ARHGAP22: variants seen among roughly 807,000 people sequenced by gnomAD.
ARHGAP22 encodes rho GTPase-activating protein 22.
Under a neutral mutation model 59.1 loss-of-function variants are expected in ARHGAP22, and 48 were observed. The ratio of observed to expected loss-of-function variants is 0.81; its 90% CI spans 0.64 to 1.03. ARHGAP22 has a LOEUF of 1.03. Ranked by LOEUF, ARHGAP22 falls within the 50% of genes least tolerant of loss-of-function variation. The pLI, the probability that ARHGAP22 is intolerant of heterozygous loss-of-function variation, is 0.00. For synonymous variants in ARHGAP22, 445 were observed against 416.4 expected (o/e 1.07, Z -0.84); for missense variants, 1,015 against 958.7 (o/e 1.06, Z -0.78).
intron 3 of ARHGAP22, among the ~76,000 whole-genome samples, chr10:48,489,914 T>C (rs1303945453): frequency 1.3e-5 from 2 of 152,206 alleles, no homozygotes; most frequent in African/African-American, 4.8e-5. Flanking sequence ...TTTGTATTTT[T>C]AGTAGAGATG....
At chr10:48,523,312 G>T (rs1470572573) in intron 3 of ARHGAP22, among the ~76,000 whole-genome samples, 1 of 152,210 alleles carries the variant, frequency 6.6e-6, no homozygotes. Flanking sequence ...GAGTGTTAGG[G>T]TCAGGTGAGT....
At position 48,577,432 on chromosome 10, in the gene ARHGAP22, C is replaced by T. The variant is rs75610537; in HGVS notation, c.234+5521G>A. ...GTTCTCTATGGAGCTGACTGGGTGG[C>T]GTCGGAGGATGGGGAGGGCATACAC... is the stretch of plus-strand genomic sequence containing the variant. On this transcript the variant is annotated intron_variant, in intron 2 of 9. Transcript: ENST00000249601. Among the ~76,000 whole-genome samples, 1,388 of 152,228 alleles carry T rather than the reference C, an allele frequency of 9.1e-3. 24 individuals carry two copies. Among genetic ancestry groups the T allele is most frequent in the African/African-American group, 0.032 (1,328 of 41,516 alleles).
Position 48,459,796 on chromosome 10 carries a change from T to C in ARHGAP22, c.547A>G (p.Ile183Val). The C allele has an allele frequency of 2.5e-6, 4 of 1,613,868 alleles. No individual in the cohort carries two copies. Among genetic ancestry groups the C allele is most frequent in the East Asian group, 2.2e-5 (1 of 44,882 alleles). ...TCCTCAGTGAGCCCGCGCTCCCGGA[T>C]GAAGTCCACACACTGCTCCACCAGC... The part of the protein sequence containing the change: ...PLLVEQCVDF[I>V]RERGLTEEGL... Residue 183 changes from isoleucine (I) to valine (V), a missense_variant, in exon 5 of 10, where the codon ATC becomes GTC. Coordinates refer to ENST00000249601, the MANE Select transcript of ARHGAP22 (RefSeq NM_021226.4).
At chr10:48,495,324 C>T (rs2050804655) in intron 3 of ARHGAP22, among the ~76,000 whole-genome samples, 1 of 152,144 alleles carries the variant, frequency 6.6e-6, no homozygotes, top group Admixed American at 6.5e-5. Flanking sequence ...TAAAAGCTTT[C>T]GTGTTTTATC....
At position 48,459,739 on chromosome 10, in the gene ARHGAP22, G is replaced by C; in HGVS notation, c.604C>G (p.Leu202Val). 6.2e-7 allele frequency: 1 copy of C among 1,614,154 alleles called. No homozygotes were observed. The highest frequency in any genetic ancestry group is 8.5e-7 in the Non-Finnish European group (1 of 1,180,032). The stretch of plus-strand genomic sequence containing the variant: ...AAGGAATCCTGCAGGTCCCTCACCA[G>C]GTTGGCCTGGCCTGGCATGCGGAAC... Reference protein sequence around the residue: ...GLFRMPGQANLVRDLQDSFDC... With the variant: ...GLFRMPGQANVVRDLQDSFDC... Residue 202 changes from leucine (L) to valine (V), a missense_variant, in exon 5 of 10, where the codon CTG becomes GTG. Physicochemically the swap from Leu to Val is conservative, Grantham distance 32 (BLOSUM62 1). Transcript: ENST00000249601.
chr10:48,449,776 G>A (rs941596707), intron 9 of ARHGAP22, among the ~76,000 whole-genome samples: 10 of 151,642 alleles, frequency 6.6e-5, no homozygotes, highest in Non-Finnish European at 7.4e-5. Flanking sequence ...GGGCGGACAC[G>A]AGGGCTTGGT....
At position 48,450,310 on chromosome 10, in the gene ARHGAP22, T is replaced by C. The variant is rs991294405; in HGVS notation, c.1819A>G (p.Arg607Gly). The C allele has an allele frequency of 6.2e-6, 10 of 1,606,690 alleles. No individual in the cohort carries two copies. The African/African-American group carries it at 9.4e-5, about 15-fold the overall frequency. Residue 607 changes from arginine to glycine, a missense_variant, in exon 9 of 10, where the codon AGG becomes GGG. Physicochemically the swap from Arg to Gly is moderately radical, Grantham distance 125 (BLOSUM62 -2). Coordinates refer to ENST00000249601, the MANE Select transcript of ARHGAP22 (RefSeq NM_021226.4). ...EALQGLVTEL[R>G]AELCRQRTEY... ...GTCCGCTGGCGGCACAGCTCGGCCC[T>C]GAGCTCAGTGACCAGCCCCTGTAAG... is the stretch of plus-strand genomic sequence containing the variant.
At chr10:48,467,371 A>G (rs1336586555) in intron 4 of ARHGAP22, among the ~76,000 whole-genome samples, 4 of 152,220 alleles carry the variant, frequency 2.6e-5, no homozygotes, top group Admixed American at 6.5e-5. Flanking sequence ...TACACCAGGA[A>G]GGCAGGTGGA....
chr10:48,555,578 G>A, intron 2 of ARHGAP22, 28 bp from the exon 3 acceptor site: 7 of 1,605,174 alleles, frequency 4.4e-6, no homozygotes, highest in Admixed American at 1.7e-5. Context: ...ACAAACACAG[G>A]GAGCATGAGA....
At chr10:48,519,520 A>G (rs113873130) in intron 3 of ARHGAP22, among the ~76,000 whole-genome samples, 124 of 152,228 alleles carry the variant, frequency 8.1e-4, no homozygotes, top group Non-Finnish European at 1.5e-3. Flanking sequence ...GGTGAGCTCA[A>G]TGGTTTCCTG....
At chr10:48,449,232 G>A (rs2045656600) in intron 9 of ARHGAP22, among the ~76,000 whole-genome samples, 1 of 152,234 alleles carries the variant, frequency 6.6e-6, no homozygotes, top group Non-Finnish European at 1.5e-5. Flanking sequence ...GGGTTCTACT[G>A]ATGCTATTTC....
In ARHGAP22 at chr10:48,586,088, G is replaced by A. The variant is rs76325528; in HGVS notation, c.35-2936C>T. On this transcript the variant is annotated intron_variant, in intron 1 of 9. Transcript: ENST00000249601. ...GCACTTGTTCATGTGGATTTAGAGTGTGCTTCCCTCCTTTATATCTATGGC... is the reference window on the plus strand; with the variant it reads ...GCACTTGTTCATGTGGATTTAGAGTATGCTTCCCTCCTTTATATCTATGGC... Among the ~76,000 whole-genome samples, 20 of 152,190 alleles carry A rather than the reference G, an allele frequency of 1.3e-4. No individual in the cohort carries two copies. The East Asian group carries it at 3.3e-3, about 25-fold the overall frequency.
intron 3 of ARHGAP22, among the ~76,000 whole-genome samples, chr10:48,519,142 C>T (rs899183886): frequency 6.6e-6 from 1 of 152,188 alleles, no homozygotes; most frequent in Non-Finnish European, 1.5e-5. Context: ...CTGTGCTGGC[C>T]TGAGGACTGT....
At chr10:48,431,118 C>T in the ARHGAP22 span, 1 of 881,286 alleles carries the variant, frequency 1.1e-6, no homozygotes. Context: ...TAAAAATTTC[C>T]ACTTAAACCA....
At chr10:48,537,802 G>A (rs2055517121) in intron 3 of ARHGAP22, among the ~76,000 whole-genome samples, 1 of 152,360 alleles carries the variant, frequency 6.6e-6, no homozygotes, top group East Asian at 1.9e-4. Context: ...AAATGATACA[G>A]CATGGCTGGA....
rs773540660 is a variant in ARHGAP22, at chr10:48,604,758, C to T, written c.34+5G>A. 6.2e-7 allele frequency: 1 copy of T among 1,614,250 alleles called. No homozygotes were observed. Among genetic ancestry groups the T allele is most frequent in the Middle Eastern group, 1.6e-4 (1 of 6,062 alleles). On this transcript the variant is annotated splice_donor_5th_base_variant and intron_variant, in intron 1 of 9. Coordinates refer to ENST00000249601, the MANE Select transcript of ARHGAP22 (RefSeq NM_021226.4). ...CCCAGAGAAACCCCAGAAAGTTGGACTTACCCCTCCTGGCCTGCCTGATCT... is the reference window on the plus strand; with the variant it reads ...CCCAGAGAAACCCCAGAAAGTTGGATTTACCCCTCCTGGCCTGCCTGATCT...
At chr10:48,597,476 G>A (rs752703347) in intron 1 of ARHGAP22, among the ~76,000 whole-genome samples, 1 of 152,166 alleles carries the variant, frequency 6.6e-6, no homozygotes, top group Non-Finnish European at 1.5e-5. Flanking sequence ...TGAGTCCCGA[G>A]GCCCTTTAGC....
intron 2 of ARHGAP22, among the ~76,000 whole-genome samples, chr10:48,576,016 C>A (rs1447399900): frequency 1.3e-5 from 2 of 152,218 alleles, no homozygotes; most frequent in African/African-American, 4.8e-5. Context: ...TTCACTGACC[C>A]CTATCGCAGC....
intron 1 of ARHGAP22, among the ~76,000 whole-genome samples, chr10:48,626,126 T>G (rs763520290): frequency 6.6e-6 from 1 of 152,216 alleles, no homozygotes; most frequent in African/African-American, 2.4e-5. Flanking sequence ...ACTAGCATAC[T>G]ATTTGAAGCC....
Sources: gnomAD v4.1 joint callset for allele counts (sites outside exome capture counted in the v4.1 genomes callset) on GRCh38, gnomAD v4.1.1 for gene constraint, MANE v1.5 for transcripts, NCBI Gene and HGNC (gene_info 2026-07-23, HGNC 2026-07-21) for gene names.